Variants in USP37 observed in about 807,000 individuals in gnomAD.
USP37 encodes the protein ubiquitin specific peptidase 37.
In USP37, 27 loss-of-function variants were observed where a neutral mutation model predicts 124.0. That is an observed-to-expected ratio of 0.22 (90% CI 0.16 to 0.30). The LOEUF is 0.30. USP37 is among the 10% of genes least tolerant of loss of function. The pLI, the probability that USP37 is intolerant of heterozygous loss-of-function variation, is 1.00. For missense variants in USP37, 889 were observed against 1,140.4 expected (o/e 0.78, Z 3.17); for synonymous variants, 365 against 388.0 (o/e 0.94, Z 0.70).
At position 218,497,845 on chromosome 2, in the gene USP37, G is replaced by C; in HGVS notation, c.1170C>G (p.His390Gln). The change falls in exon 13 of 26, where the codon CAC becomes CAG. Residue 390 changes from histidine to glutamine, a missense_variant. Transcript: ENST00000258399. ...PLNALIRRFA[H>Q]LLVKKDICNS... Reference sequence around the variant, plus strand: ...TACAGATATCTTTTTTAACAAGCAAGTGTGCAAAGCGTCTAGTAAAACAAA... The same window carrying C: ...TACAGATATCTTTTTTAACAAGCAACTGTGCAAAGCGTCTAGTAAAACAAA... 1 of 1,613,814 alleles carries C rather than the reference G, an allele frequency of 6.2e-7. No homozygotes were observed. The highest frequency in any genetic ancestry group is 8.5e-7 in the Non-Finnish European group (1 of 1,179,994).
intron 8 of USP37, among the ~76,000 whole-genome samples, chr2:218,545,273 T>C (rs932795209): frequency 1.3e-5 from 2 of 152,206 alleles, no homozygotes; most frequent in Admixed American, 1.3e-4. Flanking sequence ...GCCAATGTGA[T>C]ATGCACAAAG....
At chr2:218,562,548 T>C in intron 2 of USP37, 125 bp downstream of exon 2, 1 of 392,548 alleles carries the variant, frequency 2.5e-6, no homozygotes, top group Non-Finnish European at 4.5e-6. Flanking sequence ...TCAGAGAGCA[T>C]TCAGTGGTAA....
chr2:218,470,174 T>C (rs931219217), intron 20 of USP37, among the ~76,000 whole-genome samples: 9 of 152,186 alleles, frequency 5.9e-5, no homozygotes, highest in African/African-American at 1.4e-4. Flanking sequence ...CACGCCCTAA[T>C]TGAAACCCAC....
At chr2:218,567,761 T>C (rs1693710326) in intron 1 of USP37, among the ~76,000 whole-genome samples, 1 of 152,118 alleles carries the variant, frequency 6.6e-6, no homozygotes, top group Non-Finnish European at 1.5e-5. Context: ...ACAACAAAAA[T>C]ACAATTCATG....
At chr2:218,482,310 C>G in intron 16 of USP37, 76 bp from the exon 17 acceptor site, 1 of 1,413,096 alleles carries the variant, frequency 7.1e-7, no homozygotes, top group South Asian at 1.8e-5. Context: ...AGAGATCACT[C>G]TATGTTAGAC....
intron 10 of USP37, among the ~76,000 whole-genome samples, chr2:218,515,367 G>C (rs1480024196): frequency 6.6e-6 from 1 of 152,066 alleles, no homozygotes; most frequent in Non-Finnish European, 1.5e-5. Flanking sequence ...CAATGGAACA[G>C]AACAGAGGCC....
In USP37 at chr2:218,477,043, T is replaced by C. The variant is rs894005617; in HGVS notation, c.1902-62A>G. ...ATTTGTCTTTGTTATTCTTTTATTGTAAAAATATCAAAACAAATTGCTTTT... is the reference window on the plus strand; with the variant it reads ...ATTTGTCTTTGTTATTCTTTTATTGCAAAAATATCAAAACAAATTGCTTTT... On this transcript the variant is annotated intron_variant, in intron 18 of 25. Transcript: ENST00000258399. 7 of 1,414,374 alleles carry C rather than the reference T, an allele frequency of 4.9e-6. No individual in the cohort carries two copies. The African/African-American group carries it at 8.8e-5, about 18-fold the overall frequency. 87.6% of individuals were successfully genotyped at this position (1,414,374 alleles called of 1,614,324 possible).
chr2:218,526,861 T>C (rs1451028582), intron 10 of USP37, among the ~76,000 whole-genome samples: 1 of 143,176 alleles, frequency 7.0e-6, no homozygotes, highest in Non-Finnish European at 1.5e-5. Context: ...CGATCTCGGC[T>C]CACTGCAAGC....
chr2:218,475,033 C>G, intron 19 of USP37, 148 bp from the exon 20 acceptor site: 1 of 644,024 alleles, frequency 1.6e-6, no homozygotes, highest in Non-Finnish European at 2.4e-6. Flanking sequence ...AATATATAAA[C>G]TAAATGGTGA....
At chr2:218,467,580 C>G (rs935129647) in intron 20 of USP37, among the ~76,000 whole-genome samples, 3 of 152,030 alleles carry the variant, frequency 2.0e-5, no homozygotes, top group Non-Finnish European at 4.4e-5. Context: ...AACTCCCGAC[C>G]TTGTGATCCG....
intron 20 of USP37, among the ~76,000 whole-genome samples, chr2:218,468,625 T>C (rs1166368091): frequency 1.3e-5 from 2 of 152,202 alleles, no homozygotes; most frequent in East Asian, 3.8e-4. Flanking sequence ...GAATTACCTT[T>C]ATATACTCAT....
At chr2:218,543,212 A>T (rs1430039811) in intron 8 of USP37, among the ~76,000 whole-genome samples, 1 of 152,144 alleles carries the variant, frequency 6.6e-6, no homozygotes, top group African/African-American at 2.4e-5. Context: ...GATGAAAAGA[A>T]ACATAGTGGA....
chr2:218,515,163 C>G (rs139863544), intron 10 of USP37, among the ~76,000 whole-genome samples: 1 of 152,094 alleles, frequency 6.6e-6, no homozygotes, highest in East Asian at 1.9e-4. Context: ...CTACCACTGA[C>G]TTTCTTCACA....
At chr2:218,486,001 G>A (rs1691541081) in intron 15 of USP37, 2 of 381,730 alleles carry the variant, frequency 5.2e-6, no homozygotes, top group Admixed American at 4.4e-5. Context: ...ATAGTAACTA[G>A]ACTCTAAAAT....
chr2:218,454,718 G>A lies in USP37; in HGVS notation c.*212C>T, dbSNP rs1689599242. 1.1e-6 allele frequency: 1 copy of A among 920,134 alleles called. No homozygotes were observed. The highest frequency in any genetic ancestry group is 1.5e-6 in the Non-Finnish European group (1 of 648,848). The allele number at this position is 920,134 out of a possible 1,614,324, so 57.0% of individuals were successfully genotyped here. A position where few individuals can be genotyped will look rare whatever the true frequency, so the allele number is the denominator to read the frequency against. On this transcript the variant is annotated 3_prime_UTR_variant, in exon 26 of 26. Coordinates refer to ENST00000258399, the MANE Select transcript of USP37 (RefSeq NM_020935.3). ...AGAAGTGCCACTCATAGGAGAAAAAGAGGATAATCAGCTACGGATGTGAGA... is the reference window on the plus strand; with the variant it reads ...AGAAGTGCCACTCATAGGAGAAAAAAAGGATAATCAGCTACGGATGTGAGA...
chr2:218,482,021 C>T (rs1479476875), intron 17 of USP37, 49 bp downstream of exon 17: 1 of 1,524,744 alleles, frequency 6.6e-7, no homozygotes, highest in Non-Finnish European at 8.8e-7. Context: ...ATACTAAAGC[C>T]TTTCTATTTC....
chr2:218,528,133 CA>C (rs1442394572), intron 10 of USP37: 1 of 152,126 alleles, frequency 6.6e-6, no homozygotes, highest in Admixed American at 6.6e-5. Flanking sequence ...ACCCAGAAGG[CA>C]GAGGTTGCAG....
intron 8 of USP37, among the ~76,000 whole-genome samples, chr2:218,540,211 TTAAG>T (rs1266957040): frequency 6.6e-6 from 1 of 152,082 alleles, no homozygotes; most frequent in Non-Finnish European, 1.5e-5. Context: ...AAGATGGCTA[TTAAG>T]TGACTAATGG....
At chr2:218,472,349 G>A (rs1486282808) in intron 20 of USP37, among the ~76,000 whole-genome samples, 2 of 152,018 alleles carry the variant, frequency 1.3e-5, no homozygotes, top group African/African-American at 2.4e-5. Flanking sequence ...TGTCTTTGGA[G>A]ACTGAGTGTG....
Sources: gnomAD v4.1 joint callset for allele counts (sites outside exome capture counted in the v4.1 genomes callset) on GRCh38, gnomAD v4.1.1 for gene constraint, MANE v1.5 for transcripts, NCBI Gene and HGNC (gene_info 2026-07-23, HGNC 2026-07-21) for gene names.